The following MBD2 variants were observed in gnomAD, a reference collection of about 807,000 sequenced individuals.
MBD2 encodes methyl-CpG-binding domain protein 2.
In MBD2, 9 loss-of-function variants were observed where a neutral mutation model predicts 39.3. That is an observed-to-expected ratio of 0.23 (90% CI 0.14 to 0.40). The LOEUF (loss-of-function observed/expected upper bound fraction) is 0.40. Ranked by LOEUF, MBD2 falls within the 10% of genes least tolerant of loss-of-function variation. The probability of loss-of-function intolerance (pLI) is 1.00; values close to 1 mark genes in which losing one functional copy is unlikely to be tolerated. For synonymous variants in MBD2, 233 were observed against 211.1 expected, an observed-to-expected ratio of 1.10 and a Z score of -0.90; for missense variants, 458 against 532.6, an observed-to-expected ratio of 0.86 and a Z score of 1.38.
Position 54,153,793 on chromosome 18 carries a change from C to T in MBD2, c.*1531G>A, listed in dbSNP as rs1204124021. 6.6e-6 allele frequency: 1 copy of T among 152,218 alleles called. No individual in the cohort carries two copies. The highest frequency in any genetic ancestry group is 1.5e-5 in the Non-Finnish European group (1 of 68,054). The allele number at this position is 152,218 out of a possible 1,614,324, so 9.4% of individuals were successfully genotyped here. A position where few individuals can be genotyped will look rare whatever the true frequency, so the allele number is the denominator to read the frequency against. ...GTCTACAAGTTTCCCTGCTCATCCA[C>T]CAGCAGGACTGCTTCAAGGAAACTA... On this transcript the variant is annotated 3_prime_UTR_variant, in exon 7 of 7. Coordinates refer to ENST00000256429, the MANE Select transcript of MBD2 (RefSeq NM_003927.5).
At chr18:54,223,609 A>G (rs1194202415) in intron 1 of MBD2, among the ~76,000 whole-genome samples, 1 of 152,262 alleles carries the variant, frequency 6.6e-6, no homozygotes, top group Non-Finnish European at 1.5e-5. Flanking sequence ...TTGTTACTGT[A>G]GATAGCTCAT....
chr18:54,213,936 A>G (rs2035840681), intron 1 of MBD2, among the ~76,000 whole-genome samples: 1 of 152,018 alleles, frequency 6.6e-6, no homozygotes, highest in South Asian at 2.1e-4. Context: ...TACTTAGACA[A>G]ATATGCCCAA....
intron 2 of MBD2, among the ~76,000 whole-genome samples, chr18:54,201,804 A>C (rs1490330607): frequency 2.0e-5 from 3 of 150,882 alleles, no homozygotes; most frequent in African/African-American, 7.3e-5. Context: ...CAAAGCTTGC[A>C]GTAAGCTGAG....
chr18:54,166,220 C>T (rs976535513), intron 3 of MBD2, 54 bp from the exon 4 acceptor site: 10 of 989,144 alleles, frequency 1.0e-5, no homozygotes, highest in East Asian at 2.4e-5. Context: ...AAGAAAGTAG[C>T]GCATCGATGC....
intron 1 of MBD2, among the ~76,000 whole-genome samples, chr18:54,205,957 T>TAC (rs10558467): frequency 0.049 from 7,088 of 145,896 alleles, 195 homozygotes; most frequent in South Asian, 0.087. Flanking sequence ...AACACACACA[T>TAC]ACACACACAC....
rs538409191 is a variant in MBD2, at chr18:54,173,293, A to G, written c.841-7127T>C. Reference sequence around the variant, plus strand: ...ATTTACTGGGCCCAGAACAAATTAAAAATGTGAGGCCTCTTGTTAAAAAAA... The same window carrying G: ...ATTTACTGGGCCCAGAACAAATTAAGAATGTGAGGCCTCTTGTTAAAAAAA... On this transcript the variant is annotated intron_variant, in intron 3 of 6. Transcript: ENST00000256429. Among the ~76,000 whole-genome samples the G allele has an allele frequency of 3.3e-5, 5 of 152,310 alleles. No individual in the cohort carries two copies. The South Asian group carries it at 6.2e-4, about 19-fold the overall frequency.
At chr18:54,206,886 C>T (rs560370249) in intron 1 of MBD2, among the ~76,000 whole-genome samples, 2 of 152,216 alleles carry the variant, frequency 1.3e-5, no homozygotes, top group Admixed American at 1.3e-4. Flanking sequence ...GCAAGTCACT[C>T]GCAATATTGT....
At chr18:54,169,845 TCA>T (rs530816686) in intron 3 of MBD2, among the ~76,000 whole-genome samples, 26 of 152,352 alleles carry the variant, frequency 1.7e-4, no homozygotes, top group African/African-American at 6.0e-4. Context: ...GCTATCACCC[TCA>T]GTTATTACAC....
chr18:54,192,267 T>C (rs1404105603), intron 2 of MBD2, among the ~76,000 whole-genome samples: 1 of 152,202 alleles, frequency 6.6e-6, no homozygotes, highest in Non-Finnish European at 1.5e-5. Flanking sequence ...GGAGTCTTGC[T>C]CTATCACCAG....
intron 3 of MBD2, among the ~76,000 whole-genome samples, chr18:54,174,664 T>C (rs1330481496): frequency 6.6e-6 from 1 of 152,256 alleles, no homozygotes; most frequent in African/African-American, 2.4e-5. Flanking sequence ...AATTCAGATA[T>C]ACTTTAGGTT....
chr18:54,208,024 CGA>C (rs2086465495), intron 1 of MBD2, among the ~76,000 whole-genome samples: 2 of 150,220 alleles, frequency 1.3e-5, no homozygotes, highest in South Asian at 2.1e-4. Context: ...GGCGACAGAT[CGA>C]GAGTCTGTCT....
intron 2 of MBD2, among the ~76,000 whole-genome samples, chr18:54,203,412 AC>A (rs1436786435): frequency 6.6e-6 from 1 of 152,154 alleles, no homozygotes; most frequent in Admixed American, 6.5e-5. Flanking sequence ...ATTTACACAC[AC>A]ACAAGGTCCT....
chr18:54,224,153 G>T lies in MBD2; in HGVS notation c.407C>A (p.Pro136Gln). 6.8e-7 allele frequency: 1 copy of T among 1,461,678 alleles called. No homozygotes were observed. Among genetic ancestry groups the T allele is most frequent in the Non-Finnish European group, 9.0e-7 (1 of 1,106,296 alleles). 90.5% of individuals were successfully genotyped at this position (1,461,678 alleles called of 1,614,324 possible). ...PVPFPSGSAG[P>Q]GPRGPRATES... The stretch of plus-strand genomic sequence containing the variant: ...CGTGGCCCGGGGTCCCCTGGGCCCC[G>T]GCCCCGCGCTCCCCGACGGGAAAGG... The change falls in exon 1 of 7, where the codon CCG becomes CAG. Residue 136 changes from proline to glutamine, a missense_variant. Physicochemically the swap from Pro to Gln is moderately conservative, Grantham distance 76. This residue lies in a region of MBD2 where 269 missense variants were observed against 236.0 expected (regional missense o/e 1.14). Transcript: ENST00000256429.
intron 5 of MBD2, among the ~76,000 whole-genome samples, chr18:54,161,088 G>A (rs2086094497): frequency 6.6e-6 from 1 of 152,148 alleles, no homozygotes; most frequent in Non-Finnish European, 1.5e-5. Context: ...ATTGCCCTAA[G>A]GGTCCCTGAG....
intron 1 of MBD2, among the ~76,000 whole-genome samples, chr18:54,214,826 A>G (rs1389668419): frequency 6.7e-6 from 1 of 149,796 alleles, no homozygotes; most frequent in Non-Finnish European, 1.5e-5. Context: ...TGCAAGCTCC[A>G]CGTCCCGGGT....
At chr18:54,168,627 G>GCA (rs2086155732) in intron 3 of MBD2, among the ~76,000 whole-genome samples, 1 of 63,876 alleles carries the variant, frequency 1.6e-5, no homozygotes, top group African/African-American at 1.0e-4. Context: ...GTGTGTGTGT[G>GCA]TGTGTGTGTG....
intron 3 of MBD2, among the ~76,000 whole-genome samples, chr18:54,184,373 C>T (rs1437150594): frequency 6.6e-6 from 1 of 152,100 alleles, no homozygotes; most frequent in African/African-American, 2.4e-5. Context: ...TTATAAAAAT[C>T]TAATGCCTAA....
At chr18:54,197,008 AT>A (rs2086371931) in intron 2 of MBD2, among the ~76,000 whole-genome samples, 1 of 152,262 alleles carries the variant, frequency 6.6e-6, no homozygotes, top group Non-Finnish European at 1.5e-5. Flanking sequence ...GCTAAAGAAT[AT>A]CAGCTAAATA....
chr18:54,177,137 ACAAT>A (rs1469335267), intron 3 of MBD2, among the ~76,000 whole-genome samples: 1 of 152,228 alleles, frequency 6.6e-6, no homozygotes, highest in Non-Finnish European at 1.5e-5. Flanking sequence ...AGAAAAAGCT[ACAAT>A]CATTTTCTTA....
Sources: allele counts gnomAD v4.1 joint callset (sites outside exome capture counted in the v4.1 genomes callset), GRCh38; gene constraint gnomAD v4.1.1; regional missense constraint gnomAD v4.1.1; transcripts MANE v1.5; gene names NCBI Gene and HGNC (gene_info 2026-07-23, HGNC 2026-07-21).